Variants in KCNQ5 observed in about 807,000 individuals in gnomAD.
KCNQ5 encodes potassium voltage-gated channel subfamily Q member 5, also known as potassium voltage-gated channel subfamily KQT member 5.
A neutral mutation model predicts 98.2 loss-of-function variants in KCNQ5; 30 were observed. The observed-to-expected ratio is 0.31, with a 90% CI of 0.23 to 0.41. The LOEUF is 0.41. Among genes scored for constraint, KCNQ5 ranks in the 10% least tolerant of loss-of-function variants. The pLI, the probability that KCNQ5 is intolerant of heterozygous loss-of-function variation, is 1.00. For missense variants in KCNQ5, 835 were observed against 1,182.5 expected (o/e 0.71, Z 4.31); for synonymous variants, 458 against 449.4 (o/e 1.02, Z -0.24).
chr6:73,158,273 T>G (rs13209863), intron 10 of KCNQ5: 74,096 of 170,410 alleles, frequency 0.43, 16,954 homozygotes, highest in Admixed American at 0.53. Flanking sequence ...TTTTTTTTTT[T>G]TTTTTTTTTT....
intron 1 of KCNQ5, among the ~76,000 whole-genome samples, chr6:72,782,240 C>T (rs1401457899): frequency 4.7e-5 from 7 of 150,182 alleles, no homozygotes; most frequent in South Asian, 2.1e-4. Context: ...CAATCTTATG[C>T]ACCCTCTCTC....
intron 1 of KCNQ5, among the ~76,000 whole-genome samples, chr6:72,772,638 G>A (rs985859958): frequency 6.6e-6 from 1 of 152,104 alleles, no homozygotes; most frequent in Non-Finnish European, 1.5e-5. Context: ...CATGTCAGCC[G>A]AAGCTAGCTC....
chr6:72,700,291 ATATCTATC>A (rs70994146), intron 1 of KCNQ5, among the ~76,000 whole-genome samples: 9,720 of 149,130 alleles, frequency 0.065, 649 homozygotes, highest in African/African-American at 0.17. Flanking sequence ...CTATATATCT[ATATCTATC>A]TATCTATCTA....
intron 7 of KCNQ5, among the ~76,000 whole-genome samples, chr6:73,117,249 A>G (rs1775541860): frequency 6.6e-6 from 1 of 152,218 alleles, no homozygotes; most frequent in African/African-American, 2.4e-5. Flanking sequence ...ACTAGAAACA[A>G]TTTGCTAAGA....
chr6:72,805,567 T>TGTA (rs1774914067), intron 1 of KCNQ5, among the ~76,000 whole-genome samples: 1 of 152,172 alleles, frequency 6.6e-6, no homozygotes, highest in Non-Finnish European at 1.5e-5. Context: ...TTTGGGTTAC[T>TGTA]ATACCTCTGT....
chr6:73,140,489 G>C (rs1024988040), intron 10 of KCNQ5, among the ~76,000 whole-genome samples: 2 of 152,198 alleles, frequency 1.3e-5, no homozygotes, highest in African/African-American at 4.8e-5. Flanking sequence ...AATAATTCTT[G>C]TTAAAGCAGT....
chr6:72,774,825 C>T (rs1773083671), intron 1 of KCNQ5, among the ~76,000 whole-genome samples: 1 of 152,136 alleles, frequency 6.6e-6, no homozygotes, highest in South Asian at 2.1e-4. Flanking sequence ...TTGGCAATTC[C>T]AAATGTTGTC....
chr6:72,806,672 A>G (rs1236703761), intron 1 of KCNQ5, among the ~76,000 whole-genome samples: 1 of 152,038 alleles, frequency 6.6e-6, no homozygotes, highest in Non-Finnish European at 1.5e-5. Context: ...TGTTGGCCCA[A>G]TATTCCTATT....
chr6:72,746,761 G>A (rs984943274), intron 1 of KCNQ5, among the ~76,000 whole-genome samples: 45 of 152,238 alleles, frequency 3.0e-4, no homozygotes, highest in African/African-American at 1.1e-3. Context: ...ATAATAAATT[G>A]AGACCAAACA....
intron 1 of KCNQ5, among the ~76,000 whole-genome samples, chr6:72,879,717 T>C (rs937102315): frequency 2.0e-5 from 3 of 152,228 alleles, no homozygotes; most frequent in Non-Finnish European, 4.4e-5. Context: ...CAAGTTCTTT[T>C]TTCACATTCA....
intron 1 of KCNQ5, among the ~76,000 whole-genome samples, chr6:72,797,713 G>C (rs1469442965): frequency 6.6e-6 from 1 of 152,044 alleles, no homozygotes; most frequent in African/African-American, 2.4e-5. Context: ...TAGAATAGTG[G>C]CTTAGTGCAT....
At position 73,185,676 on chromosome 6, in the gene KCNQ5, T is replaced by C. The variant is rs114398780; in HGVS notation, c.1578-4897T>C. Among the ~76,000 whole-genome samples the C allele has an allele frequency of 2.2e-3, 335 of 152,228 alleles. 2 individuals are homozygous for C. The highest frequency in any genetic ancestry group is 7.8e-3 in the African/African-American group (323 of 41,538). On this transcript the variant is annotated intron_variant, in intron 11 of 13. Transcript: ENST00000370398. ...ATGAGGCAAGAGAGATAGAGGCCAGTTTATAAACAGCCATATAGGATGTGC... is the reference window on the plus strand; with the variant it reads ...ATGAGGCAAGAGAGATAGAGGCCAGCTTATAAACAGCCATATAGGATGTGC...
At chr6:73,123,454 C>G (rs1039253851) in intron 8 of KCNQ5, among the ~76,000 whole-genome samples, 6 of 152,042 alleles carry the variant, frequency 3.9e-5, no homozygotes, top group African/African-American at 1.4e-4. Flanking sequence ...AAAGAGAGGT[C>G]TAAGAAACAG....
intron 1 of KCNQ5, among the ~76,000 whole-genome samples, chr6:72,871,660 C>T (rs1340835595): frequency 6.6e-6 from 1 of 152,090 alleles, no homozygotes. Context: ...TAAATGTAAA[C>T]TAAAAGCCAA....
intron 1 of KCNQ5, among the ~76,000 whole-genome samples, chr6:73,000,429 G>C (rs554824461): frequency 7.9e-5 from 12 of 152,264 alleles, no homozygotes; most frequent in African/African-American, 2.6e-4. Flanking sequence ...GGTCTGCACT[G>C]TCAGGATAAC....
intron 1 of KCNQ5, among the ~76,000 whole-genome samples, chr6:72,635,679 T>G (rs985430703): frequency 6.7e-6 from 1 of 148,704 alleles, no homozygotes; most frequent in African/African-American, 2.5e-5. Context: ...AGTTTTTTTT[T>G]TTTTTTTTTT....
At chr6:72,976,080 A>T (rs1768148189) in intron 1 of KCNQ5, among the ~76,000 whole-genome samples, 1 of 152,242 alleles carries the variant, frequency 6.6e-6, no homozygotes, top group African/African-American at 2.4e-5. Flanking sequence ...TAACAAAAAA[A>T]TAGCTTTTTG....
intron 1 of KCNQ5, among the ~76,000 whole-genome samples, chr6:72,675,655 T>A (rs1047029272): frequency 1.3e-5 from 2 of 152,354 alleles, no homozygotes; most frequent in African/African-American, 4.8e-5. Flanking sequence ...ATGCTTCTCA[T>A]ACCAGCTTTC....
At chr6:72,880,163 C>CA (rs1282035491) in intron 1 of KCNQ5, among the ~76,000 whole-genome samples, 3 of 152,012 alleles carry the variant, frequency 2.0e-5, no homozygotes, top group Admixed American at 1.3e-4. Context: ...AACTTATCTC[C>CA]AAAAAATATT....
Sources: gnomAD v4.1 joint callset for allele counts (sites outside exome capture counted in the v4.1 genomes callset) on GRCh38, gnomAD v4.1.1 for gene constraint, MANE v1.5 for transcripts, NCBI Gene and HGNC (gene_info 2026-07-23, HGNC 2026-07-21) for gene names.